Variants in SEC14L1 observed in about 807,000 individuals in gnomAD.
The protein encoded by SEC14L1 is SEC14-like protein 1.
In SEC14L1, 48 loss-of-function variants were observed where a neutral mutation model predicts 85.3. That is an observed-to-expected ratio of 0.56 (90% CI 0.45 to 0.72). SEC14L1 has a LOEUF of 0.72. Ranked by LOEUF, SEC14L1 falls within the 30% of genes least tolerant of loss-of-function variation. The pLI is 0.00. For missense variants in SEC14L1, 682 were observed against 921.4 expected, an observed-to-expected ratio of 0.74 and a Z score of 3.36; for synonymous variants, 391 against 355.5, an observed-to-expected ratio of 1.10 and a Z score of -1.12.
intron 3 of SEC14L1, among the ~76,000 whole-genome samples, chr17:77,113,251 T>C (rs1365718966): frequency 6.6e-6 from 1 of 152,212 alleles, no homozygotes; most frequent in African/African-American, 2.4e-5. Context: ...AACAGAGTAT[T>C]GGTATTGCCA....
chr17:77,206,084 A>G lies in SEC14L1; in HGVS notation c.1170-145A>G. On this transcript the variant is annotated intron_variant, in intron 11 of 16. Transcript: ENST00000436233. The surrounding 1 kb of genome is among the most constrained non-coding windows in gnomAD (Gnocchi z 4.3). ...ACAAGTAGATATAAACAGGGTTCATAGCACTATACATAGCACTATAATTTA... is the reference window on the plus strand; with the variant it reads ...ACAAGTAGATATAAACAGGGTTCATGGCACTATACATAGCACTATAATTTA... 2.7e-6 allele frequency: 2 copies of G among 732,772 alleles called. No individual in the cohort carries two copies. The highest frequency in any genetic ancestry group is 4.3e-6 in the Non-Finnish European group (2 of 460,486). 45.4% of individuals were successfully genotyped at this position (732,772 alleles called of 1,614,324 possible). A position where few individuals can be genotyped will look rare whatever the true frequency, so the allele number is the denominator to read the frequency against.
intron 3 of SEC14L1, among the ~76,000 whole-genome samples, chr17:77,107,685 C>T (rs1320202000): frequency 2.6e-5 from 4 of 152,132 alleles, no homozygotes; most frequent in South Asian, 4.1e-4. Context: ...GGGGGATTCC[C>T]GGTGACGTAA....
intron 14 of SEC14L1, chr17:77,210,217 A>C (rs1050954796): frequency 6.6e-6 from 1 of 152,280 alleles, no homozygotes; most frequent in Non-Finnish European, 1.5e-5. Flanking sequence ...CTGTAAGTCT[A>C]ATGGAGCAAG....
In SEC14L1 at chr17:77,211,492, G is replaced by A. The variant is rs139061727; in HGVS notation, c.1612-458G>A. ...CTGTTCTCTCGTGTGAGCCTCACACGGCAGGCCCGGTTCCATGCCCCTGCT... is the reference window on the plus strand; with the variant it reads ...CTGTTCTCTCGTGTGAGCCTCACACAGCAGGCCCGGTTCCATGCCCCTGCT... On this transcript the variant is annotated intron_variant, in intron 14 of 16. Coordinates refer to ENST00000436233, the MANE Select transcript of SEC14L1 (RefSeq NM_001143998.2). 3.4e-3 allele frequency: 578 copies of A among 169,508 alleles called. 5 individuals carry two copies. The highest frequency in any genetic ancestry group is 0.013 in the African/African-American group (554 of 41,810). The allele number at this position is 169,508 out of a possible 1,614,324, so 10.5% of individuals were successfully genotyped here.
chr17:77,168,772 T>A (rs907153795), intron 3 of SEC14L1, among the ~76,000 whole-genome samples: 1 of 152,222 alleles, frequency 6.6e-6, no homozygotes, highest in African/African-American at 2.4e-5. Context: ...TGGGCCTAAT[T>A]GTTCAGCTAT....
In SEC14L1 at chr17:77,214,406, A is replaced by G. The variant is rs1298292677; in HGVS notation, c.*383A>G. ...AATGAATTCCTGTGACATCCTCCAGAGATGGCCCCTCCTCACCTGGGACGG... is the reference window on the plus strand; with the variant it reads ...AATGAATTCCTGTGACATCCTCCAGGGATGGCCCCTCCTCACCTGGGACGG... On this transcript the variant is annotated 3_prime_UTR_variant, in exon 17 of 17. Transcript: ENST00000436233. 42 of 1,004,566 alleles carry G rather than the reference A, an allele frequency of 4.2e-5. No homozygotes were observed. Among genetic ancestry groups the G allele is most frequent in the South Asian group, 1.2e-4 (3 of 24,156 alleles). 62.2% of individuals were successfully genotyped at this position (1,004,566 alleles called of 1,614,324 possible). A position where few individuals can be genotyped will look rare whatever the true frequency, so the allele number is the denominator to read the frequency against.
chr17:77,093,041 C>T (rs1971556219), intron 2 of SEC14L1, among the ~76,000 whole-genome samples: 2 of 151,488 alleles, frequency 1.3e-5, no homozygotes, highest in Admixed American at 1.3e-4. Context: ...GCCCTTGGCT[C>T]AGTGGTACCT....
chr17:77,094,651 GA>G (rs1322291087), intron 3 of SEC14L1: 1 of 151,670 alleles, frequency 6.6e-6, no homozygotes, highest in East Asian at 2.0e-4. Context: ...ATTTTTAGTA[GA>G]GACAGGGTTT....
At position 77,175,315 on chromosome 17, in the gene SEC14L1, T is replaced by C. The variant is rs567072929; in HGVS notation, c.64-15488T>C. ...GGCCCAGCAGATTCACACCCAAAGGTTGGGCTCAGAACAAAGACAGCACTT... is the reference window on the plus strand; with the variant it reads ...GGCCCAGCAGATTCACACCCAAAGGCTGGGCTCAGAACAAAGACAGCACTT... On this transcript the variant is annotated intron_variant, in intron 3 of 16. Coordinates refer to ENST00000436233, the MANE Select transcript of SEC14L1 (RefSeq NM_001143998.2). Among the ~76,000 whole-genome samples the C allele has an allele frequency of 8.7e-4, 132 of 152,250 alleles. 1 individual carries two copies. Among genetic ancestry groups the C allele is most frequent in the Middle Eastern group, 3.4e-3 (1 of 294 alleles).
chr17:77,145,570 T>C (rs1973264033), intron 3 of SEC14L1, among the ~76,000 whole-genome samples: 1 of 152,202 alleles, frequency 6.6e-6, no homozygotes, highest in African/African-American at 2.4e-5. Flanking sequence ...TTAACAGTAT[T>C]TTATGTTGTT....
chr17:77,107,528 A>G (rs1352370229), intron 3 of SEC14L1, among the ~76,000 whole-genome samples: 1 of 152,214 alleles, frequency 6.6e-6, no homozygotes. Flanking sequence ...ATAGATGAAA[A>G]GGAGAGAGGG....
In SEC14L1 at chr17:77,216,149, C is replaced by A. The variant is rs111170711; in HGVS notation, c.*2126C>A. On this transcript the variant is annotated 3_prime_UTR_variant, in exon 17 of 17. Coordinates refer to ENST00000436233, the MANE Select transcript of SEC14L1 (RefSeq NM_001143998.2). Reference sequence around the variant, plus strand: ...GTAGGTAGGGCTAGTAGGTAGGGTTCGTAGGTAGGGTTCGTAGGTAGGGCT... The same window carrying A: ...GTAGGTAGGGCTAGTAGGTAGGGTTAGTAGGTAGGGTTCGTAGGTAGGGCT... 9.3e-5 allele frequency: 57 copies of A among 615,504 alleles called. No individual in the cohort carries two copies. The highest frequency in any genetic ancestry group is 7.2e-4 in the East Asian group (4 of 5,584). 38.1% of individuals were successfully genotyped at this position (615,504 alleles called of 1,614,324 possible). A position where few individuals can be genotyped will look rare whatever the true frequency, so the allele number is the denominator to read the frequency against.
rs948968335 is a variant in SEC14L1 at position 77,209,766 on chromosome 17, A to C, written c.1611+290A>C. The C allele has an allele frequency of 3.3e-4, 93 of 285,690 alleles. 1 individual carries two copies. The highest frequency in any genetic ancestry group is 1.0e-4 in the Admixed American group (2 of 20,024). The allele number at this position is 285,690 out of a possible 1,614,324, so 17.7% of individuals were successfully genotyped here. ...ACCAAACACAGAGATAGGAATAGCT[A>C]ATCTTTCCTTGTTGGAGCACTTAAC... On this transcript the variant is annotated intron_variant, in intron 14 of 16. Coordinates refer to ENST00000436233, the MANE Select transcript of SEC14L1 (RefSeq NM_001143998.2).
rs910084039 is a variant in SEC14L1 at position 77,203,647 on chromosome 17, C to T, written c.1087C>T (p.Leu363=). The T allele has an allele frequency of 1.2e-5, 20 of 1,613,140 alleles. No homozygotes were observed. The highest frequency in any genetic ancestry group is 1.7e-5 in the Non-Finnish European group (20 of 1,179,714). Residue 363 remains leucine (L), a synonymous_variant, in exon 10 of 17, where the codon CTG becomes TTG. Transcript: ENST00000436233. ...GLVRALGEEA[L]LRYVLSINEE... ...GGTGAGAGCGCTCGGGGAGGAAGCC[C>T]TGCTGAGATACGTAAGTGCGCGGCT...
chr17:77,182,692 G>A (rs1975090640), intron 3 of SEC14L1, among the ~76,000 whole-genome samples: 1 of 152,226 alleles, frequency 6.6e-6, no homozygotes, highest in Non-Finnish European at 1.5e-5. Context: ...ATGGCTGGAT[G>A]ACACTGTGGA....
At chr17:77,116,460 G>A (rs116482869) in intron 3 of SEC14L1, among the ~76,000 whole-genome samples, 1,936 of 152,214 alleles carry the variant, frequency 0.013, 36 homozygotes, top group African/African-American at 0.041. Flanking sequence ...GTGTGGGATT[G>A]TGGAGGGCAG....
chr17:77,197,200 T>C (rs895811745), intron 8 of SEC14L1, among the ~76,000 whole-genome samples: 4 of 152,150 alleles, frequency 2.6e-5, no homozygotes, highest in African/African-American at 9.7e-5. Context: ...TTCGCAGGAG[T>C]TGGGGTCATG....
chr17:77,196,875 A>G (rs1439348602), intron 8 of SEC14L1, among the ~76,000 whole-genome samples: 1 of 152,232 alleles, frequency 6.6e-6, no homozygotes, highest in African/African-American at 2.4e-5. Flanking sequence ...GTCATCAAGA[A>G]AACCACTGCA....
intron 3 of SEC14L1, among the ~76,000 whole-genome samples, chr17:77,135,807 T>A (rs1457557047): frequency 2.0e-5 from 3 of 152,136 alleles, no homozygotes; most frequent in Non-Finnish European, 4.4e-5. Context: ...TCCCAAAGAT[T>A]GCAGGCATAA....
Sources: allele counts gnomAD v4.1 joint callset (sites outside exome capture counted in the v4.1 genomes callset), GRCh38; gene constraint gnomAD v4.1.1; non-coding constraint Gnocchi (gnomAD v3.1); transcripts MANE v1.5; gene names NCBI Gene and HGNC (gene_info 2026-07-23, HGNC 2026-07-21).